GNA14: variants seen among roughly 807,000 people sequenced by gnomAD.
GNA14 encodes G protein subunit alpha 14.
In GNA14, 50 loss-of-function variants were observed where a neutral mutation model predicts 42.0. The ratio of observed to expected loss-of-function variants is 1.19; its 90% CI spans 0.95 to 1.51. The LOEUF is 1.51. Ranked by LOEUF, GNA14 falls within the 40% of genes most tolerant of loss-of-function variation. The pLI, the probability that GNA14 is intolerant of heterozygous loss-of-function variation, is 0.00. For synonymous variants in GNA14, 173 were observed against 163.1 expected (o/e 1.06, Z -0.46); for missense variants, 473 against 446.2 (o/e 1.06, Z -0.54).
At chr9:77,488,784 T>TAAAAAAAAAAAAAAAAAAAAAAA (rs67416479) in intron 2 of GNA14, among the ~76,000 whole-genome samples, 1 of 53,684 alleles carries the variant, frequency 1.9e-5, no homozygotes, top group Non-Finnish European at 3.2e-5. Flanking sequence ...CACACCTAAT[T>TAAAAAAAAAAAAAAAAAAAAAAA]AAAAAAAAAA....
chr9:77,444,730 T>C (rs2131699157), intron 2 of GNA14, among the ~76,000 whole-genome samples: 1 of 152,246 alleles, frequency 6.6e-6, no homozygotes, highest in South Asian at 2.1e-4. Context: ...TCCGTGCACC[T>C]CAGACTCCCT....
chr9:77,493,870 T>A (rs1441585998), intron 2 of GNA14, among the ~76,000 whole-genome samples: 2 of 152,212 alleles, frequency 1.3e-5, no homozygotes, highest in Non-Finnish European at 2.9e-5. Flanking sequence ...GAATATATCT[T>A]CTAGAGTGCA....
rs552541329 is a variant in GNA14, at chr9:77,459,944, G to A, written c.310-25422C>T. On this transcript the variant is annotated intron_variant, in intron 2 of 6. Coordinates refer to ENST00000341700, the MANE Select transcript of GNA14 (RefSeq NM_004297.4). The stretch of plus-strand genomic sequence containing the variant: ...AGGAGACTGGTTTGTGTCCTTGTGC[G>A]GGCACCAATGGGTCTCGTGGATCCC... Among the ~76,000 whole-genome samples, 116 of 152,204 alleles carry A rather than the reference G, an allele frequency of 7.6e-4. 1 individual carries two copies. The highest frequency in any genetic ancestry group is 4.3e-3 in the East Asian group (22 of 5,164).
chr9:77,531,169 TG>T (rs1220615415), intron 1 of GNA14, among the ~76,000 whole-genome samples: 4 of 152,146 alleles, frequency 2.6e-5, no homozygotes, highest in Non-Finnish European at 5.9e-5. Flanking sequence ...TTCACACATT[TG>T]GGCACCACGA....
chr9:77,517,634 T>C (rs1161635712), intron 2 of GNA14: 3 of 114,600 alleles, frequency 2.6e-5, no homozygotes, highest in Non-Finnish European at 1.7e-5. Flanking sequence ...TGAGACAGAG[T>C]ATCACTCTGT....
chr9:77,581,015 CACA>C (rs1469381426), intron 1 of GNA14, among the ~76,000 whole-genome samples: 17 of 151,330 alleles, frequency 1.1e-4, no homozygotes, highest in African/African-American at 4.2e-4. Context: ...CACACACACA[CACA>C]CACACACACA....
At chr9:77,632,965 C>T (rs923622121) in intron 1 of GNA14, among the ~76,000 whole-genome samples, 1 of 152,254 alleles carries the variant, frequency 6.6e-6, no homozygotes, top group Admixed American at 6.5e-5. Flanking sequence ...GTGCCACCAG[C>T]CACAGAGGTT....
chr9:77,482,132 T>C (rs894546080), intron 2 of GNA14, among the ~76,000 whole-genome samples: 42 of 152,240 alleles, frequency 2.8e-4, no homozygotes, highest in African/African-American at 9.4e-4. Context: ...TTGATGCAGT[T>C]TCTTCCTAGC....
At chr9:77,593,261 GTTA>G (rs959417648) in intron 1 of GNA14, among the ~76,000 whole-genome samples, 2 of 151,892 alleles carry the variant, frequency 1.3e-5, no homozygotes, top group African/African-American at 4.9e-5. Context: ...GCAAGGCAGT[GTTA>G]TTACCTCCAA....
chr9:77,524,890 T>G (rs949362156), intron 2 of GNA14, among the ~76,000 whole-genome samples: 2 of 152,182 alleles, frequency 1.3e-5, no homozygotes, highest in Non-Finnish European at 2.9e-5. Flanking sequence ...CACTTCCTTT[T>G]GCTCATAGTG....
At chr9:77,577,897 T>C (rs950746307) in intron 1 of GNA14, among the ~76,000 whole-genome samples, 1 of 152,122 alleles carries the variant, frequency 6.6e-6, no homozygotes, top group African/African-American at 2.4e-5. Flanking sequence ...TACTGCAGTA[T>C]GAAGATACTC....
intron 1 of GNA14, among the ~76,000 whole-genome samples, chr9:77,619,236 C>T (rs980913983): frequency 1.3e-5 from 2 of 151,984 alleles, no homozygotes; most frequent in Non-Finnish European, 2.9e-5. Flanking sequence ...GACAGAGTTT[C>T]GCTCTTTTTG....
chr9:77,535,603 GC>G (rs1475614690), intron 1 of GNA14, among the ~76,000 whole-genome samples: 1 of 152,184 alleles, frequency 6.6e-6, no homozygotes, highest in Non-Finnish European at 1.5e-5. Flanking sequence ...ATCAGCTAAT[GC>G]TGAGAGAAAT....
At chr9:77,607,952 CT>C (rs1454170516) in intron 1 of GNA14, among the ~76,000 whole-genome samples, 2 of 152,146 alleles carry the variant, frequency 1.3e-5, no homozygotes, top group Non-Finnish European at 2.9e-5. Context: ...AGGGTTAAGG[CT>C]TCAAAACATC....
intron 2 of GNA14, among the ~76,000 whole-genome samples, chr9:77,487,478 A>G (rs1004384202): frequency 1.4e-5 from 2 of 142,232 alleles, no homozygotes; most frequent in African/African-American, 5.1e-5. Flanking sequence ...ATAAAATAGG[A>G]ATGCTATCTT....
At chr9:77,515,983 A>AAC (rs1276481734) in intron 2 of GNA14, among the ~76,000 whole-genome samples, 3 of 145,350 alleles carry the variant, frequency 2.1e-5, no homozygotes, top group Admixed American at 6.8e-5. Flanking sequence ...AAAAAAAAAA[A>AAC]CCCAGAGCAG....
At chr9:77,599,203 A>C (rs769979121) in intron 1 of GNA14, among the ~76,000 whole-genome samples, 36 of 152,230 alleles carry the variant, frequency 2.4e-4, no homozygotes, top group Non-Finnish European at 4.1e-4. Context: ...GTAAGGAAAC[A>C]GTACTCTAGA....
At chr9:77,612,647 T>C (rs1823751950) in intron 1 of GNA14, among the ~76,000 whole-genome samples, 1 of 151,498 alleles carries the variant, frequency 6.6e-6, no homozygotes, top group South Asian at 2.1e-4. Context: ...TCATACCTGT[T>C]ACAATGGCTA....
chr9:77,594,760 G>C (rs1224371925), intron 1 of GNA14, among the ~76,000 whole-genome samples: 1 of 152,202 alleles, frequency 6.6e-6, no homozygotes, highest in Non-Finnish European at 1.5e-5. Flanking sequence ...GAAGACATTA[G>C]ACTTGGCCTT....
Sources: allele counts gnomAD v4.1 joint callset (sites outside exome capture counted in the v4.1 genomes callset), GRCh38; gene constraint gnomAD v4.1.1; transcripts MANE v1.5; gene names NCBI Gene and HGNC (gene_info 2026-07-23, HGNC 2026-07-21).